KCNAB1: variants seen among roughly 807,000 people sequenced by gnomAD.
KCNAB1 encodes potassium voltage-gated channel subfamily A regulatory beta subunit 1.
In KCNAB1, 35 loss-of-function variants were observed where a neutral mutation model predicts 64.6. That is an observed-to-expected ratio of 0.54 (90% confidence interval 0.41 to 0.72). The LOEUF (loss-of-function observed/expected upper bound fraction) is 0.72. Among genes scored for constraint, KCNAB1 ranks in the 30% least tolerant of loss-of-function variants. The pLI is 0.00. For missense variants in KCNAB1, 401 were observed against 512.9 expected (o/e 0.78, Z 2.11); for synonymous variants, 177 against 183.8 (o/e 0.96, Z 0.30).
At chr3:156,305,845 G>A (rs1721457776) in intron 1 of KCNAB1, among the ~76,000 whole-genome samples, 1 of 152,178 alleles carries the variant, frequency 6.6e-6, no homozygotes, top group Non-Finnish European at 1.5e-5. Context: ...TCATTGTCTG[G>A]GTAGTTGCAA....
At chr3:156,386,337 G>A (rs1357197425) in intron 1 of KCNAB1, among the ~76,000 whole-genome samples, 1 of 152,176 alleles carries the variant, frequency 6.6e-6, no homozygotes, top group Non-Finnish European at 1.5e-5. Context: ...TGACAGGTGA[G>A]CACACACAGT....
intron 1 of KCNAB1, among the ~76,000 whole-genome samples, chr3:156,250,587 A>T (rs986962): frequency 0.6 from 90,533 of 151,996 alleles, 27,746 homozygotes; most frequent in East Asian, 0.79. Context: ...CAGTGAGAAG[A>T]CATTCTCTTT....
chr3:156,139,355 A>T (rs550213085), intron 1 of KCNAB1, among the ~76,000 whole-genome samples: 50 of 152,240 alleles, frequency 3.3e-4, no homozygotes, highest in African/African-American at 1.1e-3. Context: ...AGAGGGACAC[A>T]TGGGAGAGGG....
intron 1 of KCNAB1, among the ~76,000 whole-genome samples, chr3:156,281,668 T>G (rs1284814755): frequency 1.3e-5 from 2 of 152,060 alleles, no homozygotes; most frequent in African/African-American, 4.8e-5. Flanking sequence ...ATTCAGAGAT[T>G]CAACTTCTTC....
intron 1 of KCNAB1, among the ~76,000 whole-genome samples, chr3:156,347,111 GT>G (rs2108077151): frequency 1.3e-5 from 2 of 152,100 alleles, no homozygotes; most frequent in East Asian, 3.9e-4. Context: ...TACGCTTAAG[GT>G]TAAAAAAGGT....
At chr3:156,467,736 T>G (rs1713525963) in intron 7 of KCNAB1, among the ~76,000 whole-genome samples, 3 of 152,120 alleles carry the variant, frequency 2.0e-5, no homozygotes, top group African/African-American at 7.2e-5. Flanking sequence ...TTTTAGCATT[T>G]TAAAGAATTA....
rs80083147 is a variant in KCNAB1 at position 156,150,240 on chromosome 3, G to T, written c.275+29354G>T. ...GGCTTATTCAAAACAAACAGAACGT[G>T]TTATTTCCTATTGAATGGAATAGAA... On this transcript the variant is annotated intron_variant, in intron 1 of 13. Transcript: ENST00000490337. Among the ~76,000 whole-genome samples the T allele has an allele frequency of 3.1e-3, 474 of 152,270 alleles. 2 individuals carry two copies. The highest frequency in any genetic ancestry group is 0.011 in the African/African-American group (460 of 41,544).
At chr3:156,443,393 TA>T (rs1244790090) in intron 2 of KCNAB1, among the ~76,000 whole-genome samples, 2 of 152,060 alleles carry the variant, frequency 1.3e-5, no homozygotes, top group Non-Finnish European at 2.9e-5. Context: ...GAATAGAGCA[TA>T]GGGGCTGTGG....
chr3:156,204,504 A>G (rs1170255241), intron 1 of KCNAB1, among the ~76,000 whole-genome samples: 2 of 152,198 alleles, frequency 1.3e-5, no homozygotes, highest in Non-Finnish European at 1.5e-5. Flanking sequence ...GAACTGACAT[A>G]AATTCTCTAT....
chr3:156,363,456 T>A (rs1056341894), intron 1 of KCNAB1, among the ~76,000 whole-genome samples: 1 of 151,324 alleles, frequency 6.6e-6, no homozygotes, highest in African/African-American at 2.4e-5. Context: ...GTAAGACATC[T>A]GCAAATTCTG....
At chr3:156,152,285 G>C (rs1715459873) in intron 1 of KCNAB1, among the ~76,000 whole-genome samples, 1 of 152,210 alleles carries the variant, frequency 6.6e-6, no homozygotes, top group South Asian at 2.1e-4. Flanking sequence ...GAGGGGTAAG[G>C]CCCTCTGAGC....
chr3:156,341,478 C>T (rs1724111122), intron 1 of KCNAB1, among the ~76,000 whole-genome samples: 3 of 152,226 alleles, frequency 2.0e-5, no homozygotes. Flanking sequence ...TGTCATTCAA[C>T]ACTTGCTCAC....
chr3:156,384,236 C>T (rs1305705438), intron 1 of KCNAB1, among the ~76,000 whole-genome samples: 1 of 152,308 alleles, frequency 6.6e-6, no homozygotes, highest in African/African-American at 2.4e-5. Context: ...AAAGCTGATA[C>T]AGCATTTGCT....
intron 1 of KCNAB1, among the ~76,000 whole-genome samples, chr3:156,312,198 A>C (rs1029800122): frequency 2.0e-5 from 3 of 152,226 alleles, no homozygotes; most frequent in Non-Finnish European, 4.4e-5. Flanking sequence ...ATTGCTGAGT[A>C]AAATAGGCGA....
intron 1 of KCNAB1, among the ~76,000 whole-genome samples, chr3:156,300,394 A>T (rs1721074546): frequency 6.6e-6 from 1 of 152,190 alleles, no homozygotes. Flanking sequence ...CCAGAACGAT[A>T]CCAGCAGTTT....
chr3:156,216,697 A>T (rs1715342681), intron 1 of KCNAB1, among the ~76,000 whole-genome samples: 1 of 152,234 alleles, frequency 6.6e-6, no homozygotes, highest in Non-Finnish European at 1.5e-5. Flanking sequence ...TTAGTGCCAG[A>T]CACTGGGCTT....
chr3:156,442,130 G>A (rs543879835), intron 2 of KCNAB1, among the ~76,000 whole-genome samples: 1 of 152,228 alleles, frequency 6.6e-6, no homozygotes, highest in African/African-American at 2.4e-5. Flanking sequence ...GTTTGGGAGT[G>A]TCATGCCTAC....
At chr3:156,402,839 CT>C (rs965371874) in intron 1 of KCNAB1, among the ~76,000 whole-genome samples, 12 of 152,286 alleles carry the variant, frequency 7.9e-5, no homozygotes, top group African/African-American at 2.6e-4. Flanking sequence ...TTTCCTCCCC[CT>C]ATTATGGTAA....
chr3:156,249,874 T>C (rs914053667), intron 1 of KCNAB1, among the ~76,000 whole-genome samples: 4 of 152,130 alleles, frequency 2.6e-5, no homozygotes, highest in African/African-American at 9.7e-5. Flanking sequence ...GCACAAACCT[T>C]TGGGGATATC....
Sources: allele counts gnomAD v4.1 joint callset (sites outside exome capture counted in the v4.1 genomes callset), GRCh38; gene constraint gnomAD v4.1.1; transcripts MANE v1.5; gene names NCBI Gene and HGNC (gene_info 2026-07-23, HGNC 2026-07-21).